The following SYT2 variants were observed in gnomAD, a reference collection of about 807,000 sequenced individuals.
SYT2 encodes synaptotagmin 2, also known as synaptotagmin-2.
A neutral mutation model predicts 39.9 loss-of-function variants in SYT2; 15 were observed. That is an observed-to-expected ratio of 0.38 (90% CI 0.25 to 0.58). The LOEUF is 0.58. SYT2 is among the 20% of genes least tolerant of loss of function. SYT2 has a pLI of 0.70. For synonymous variants in SYT2, 181 were observed against 204.5 expected (o/e 0.89, Z 0.98); for missense variants, 389 against 530.3 (o/e 0.73, Z 2.62).
intron 1 of SYT2, among the ~76,000 whole-genome samples, chr1:202,625,795 A>G (rs1558436684): frequency 6.6e-6 from 1 of 151,944 alleles, no homozygotes; most frequent in Non-Finnish European, 1.5e-5. Flanking sequence ...CCATTAACTC[A>G]GTAATGGAGC....
chr1:202,641,287 T>A (rs1691910577), intron 1 of SYT2, among the ~76,000 whole-genome samples: 1 of 152,202 alleles, frequency 6.6e-6, no homozygotes, highest in Admixed American at 6.5e-5. Flanking sequence ...CATTGGGAAT[T>A]CCTGGAGACC....
chr1:202,596,976 C>T lies in SYT2; in HGVS notation c.1054-13G>A, dbSNP rs1050971699. ...CTACCTGGACTTTCTGCAAGGAAAA[C>T]GAGGGAGGGAGTTGGCAGACAGAGA... On this transcript the variant is annotated splice_polypyrimidine_tract_variant and intron_variant, in intron 8 of 8. Transcript: ENST00000367268. 12 of 1,610,160 alleles carry T rather than the reference C, an allele frequency of 7.5e-6. No homozygotes were observed. The highest frequency in any genetic ancestry group is 2.2e-5 in the East Asian group (1 of 44,808).
intron 1 of SYT2, among the ~76,000 whole-genome samples, chr1:202,631,168 C>T (rs1338847296): frequency 1.3e-5 from 2 of 152,168 alleles, no homozygotes; most frequent in East Asian, 3.9e-4. Flanking sequence ...TCCTGAGCCT[C>T]GGAGAGGCTT....
At chr1:202,706,449 C>G (rs1189694282) in intron 1 of SYT2, among the ~76,000 whole-genome samples, 1 of 152,160 alleles carries the variant, frequency 6.6e-6, no homozygotes, top group Non-Finnish European at 1.5e-5. Flanking sequence ...AGGCACTGTT[C>G]TACACGCTTT....
chr1:202,618,052 A>G (rs1368005467), intron 1 of SYT2, among the ~76,000 whole-genome samples: 1 of 151,954 alleles, frequency 6.6e-6, no homozygotes, highest in African/African-American at 2.4e-5. Flanking sequence ...ACAGGTGCCC[A>G]CCACACGCCT....
At chr1:202,692,851 G>A (rs1653871579) in intron 1 of SYT2, among the ~76,000 whole-genome samples, 1 of 152,176 alleles carries the variant, frequency 6.6e-6, no homozygotes, top group African/African-American at 2.4e-5. Context: ...CTTGAGCCCA[G>A]GAGTTCAAGA....
At chr1:202,632,419 G>A (rs754784790) in intron 1 of SYT2, 12 of 346,842 alleles carry the variant, frequency 3.5e-5, no homozygotes, top group Non-Finnish European at 4.9e-5. Context: ...ATGAGACTCC[G>A]GCTCATCACA....
intron 1 of SYT2, among the ~76,000 whole-genome samples, chr1:202,613,791 G>A (rs370756009): frequency 6.6e-6 from 1 of 152,168 alleles, no homozygotes; most frequent in Non-Finnish European, 1.5e-5. Context: ...TGCAGGGCAG[G>A]CAGGAGGCAG....
intron 1 of SYT2, among the ~76,000 whole-genome samples, chr1:202,644,418 C>T (rs758579150): frequency 2.7e-4 from 41 of 152,288 alleles, no homozygotes; most frequent in South Asian, 2.5e-3. Context: ...GCCTGGGCAG[C>T]ACTCCTGTGC....
chr1:202,606,773 G>GGA (rs1293035068), intron 1 of SYT2, among the ~76,000 whole-genome samples: 1 of 152,010 alleles, frequency 6.6e-6, no homozygotes, highest in Non-Finnish European at 1.5e-5. Context: ...GAAAATTTGG[G>GGA]GAGAGAGAGA....
At chr1:202,665,884 T>C (rs1210336851) in intron 1 of SYT2, among the ~76,000 whole-genome samples, 2 of 152,242 alleles carry the variant, frequency 1.3e-5, no homozygotes, top group Non-Finnish European at 2.9e-5. Context: ...CCGGGCGCTG[T>C]GGCTCACACC....
At chr1:202,655,911 C>T (rs1433367967) in intron 1 of SYT2, among the ~76,000 whole-genome samples, 2 of 152,080 alleles carry the variant, frequency 1.3e-5, no homozygotes, top group Non-Finnish European at 2.9e-5. Flanking sequence ...GACCATGGAG[C>T]GAGTGGGCCT....
At chr1:202,675,895 A>G (rs1404108244) in intron 1 of SYT2, among the ~76,000 whole-genome samples, 5 of 152,228 alleles carry the variant, frequency 3.3e-5, no homozygotes, top group African/African-American at 1.2e-4. Flanking sequence ...TGTTAGGTGC[A>G]TTACACTGTG....
chr1:202,687,680 A>G (rs1295775671), intron 1 of SYT2, among the ~76,000 whole-genome samples: 13 of 151,840 alleles, frequency 8.6e-5, no homozygotes, highest in Admixed American at 3.9e-4. Context: ...AAAAAAAAAA[A>G]AAAAGAAAAG....
In SYT2 at chr1:202,647,464, C is replaced by T. The variant is rs541011042; in HGVS notation, c.-17-41675G>A. Among the ~76,000 whole-genome samples the T allele has an allele frequency of 3.3e-5, 5 of 151,894 alleles. No homozygotes were observed. The East Asian group carries it at 5.8e-4, about 18-fold the overall frequency. ...CTGCTGCTTGGGAGGCTTCCCCCCCCAACCGTACTCCATGAGCACCCCCAA... is the reference window on the plus strand; with the variant it reads ...CTGCTGCTTGGGAGGCTTCCCCCCCTAACCGTACTCCATGAGCACCCCCAA... On this transcript the variant is annotated intron_variant, in intron 1 of 8. Coordinates refer to ENST00000367268, the MANE Select transcript of SYT2 (RefSeq NM_177402.5).
chr1:202,678,621 C>T (rs1653445380), intron 1 of SYT2, among the ~76,000 whole-genome samples: 1 of 152,194 alleles, frequency 6.6e-6, no homozygotes, highest in East Asian at 1.9e-4. Flanking sequence ...CTATAGGCCT[C>T]GAGAGGTACT....
intron 1 of SYT2, among the ~76,000 whole-genome samples, chr1:202,678,489 C>T (rs1454033294): frequency 3.3e-5 from 5 of 151,988 alleles, no homozygotes; most frequent in Admixed American, 3.3e-4. Flanking sequence ...TTCATCTTTT[C>T]ATTCCAAGGC....
chr1:202,617,823 G>A (rs542144756), intron 1 of SYT2, among the ~76,000 whole-genome samples: 11 of 152,294 alleles, frequency 7.2e-5, no homozygotes, highest in East Asian at 5.8e-4. Flanking sequence ...ATTGGCCAAC[G>A]GCAGTCCAGG....
intron 1 of SYT2, among the ~76,000 whole-genome samples, chr1:202,625,920 G>A (rs569518383): frequency 7.9e-5 from 12 of 152,336 alleles, no homozygotes; most frequent in African/African-American, 2.9e-4. Flanking sequence ...ACATAGCAGA[G>A]AATGCCAGAA....
Sources: gnomAD v4.1 joint callset for allele counts (sites outside exome capture counted in the v4.1 genomes callset) on GRCh38, gnomAD v4.1.1 for gene constraint, MANE v1.5 for transcripts, NCBI Gene and HGNC (gene_info 2026-07-23, HGNC 2026-07-21) for gene names.